The following POLR3B variants were observed in gnomAD, a reference collection of about 807,000 sequenced individuals.
The protein encoded by POLR3B is RNA polymerase III subunit B, also known as DNA-directed RNA polymerase III subunit RPC2.
POLR3B carries 96 observed loss-of-function variants against 147.4 expected under a neutral mutation model. That is an observed-to-expected ratio of 0.65 (90% CI 0.55 to 0.77). The LOEUF is 0.77. Ranked by LOEUF, POLR3B falls within the 30% of genes least tolerant of loss-of-function variation. POLR3B has a pLI of 0.00. For missense variants in POLR3B, 1,036 were observed against 1,413.5 expected, an observed-to-expected ratio of 0.73 and a Z score of 4.28; for synonymous variants, 461 against 485.9, an observed-to-expected ratio of 0.95 and a Z score of 0.67.
At chr12:106,393,710 A>C (rs116808938) in intron 10 of POLR3B, among the ~76,000 whole-genome samples, 2,995 of 149,128 alleles carry the variant, frequency 0.02, 50 homozygotes, top group African/African-American at 0.032. Flanking sequence ...CTGCTCAGGC[A>C]CTCCTGGTTG....
chr12:106,502,618 T>C (rs1025904889), intron 26 of POLR3B, among the ~76,000 whole-genome samples: 1 of 151,062 alleles, frequency 6.6e-6, no homozygotes, highest in Non-Finnish European at 1.5e-5. Flanking sequence ...GGGGTTTCAT[T>C]TTTTTTTTAA....
In POLR3B at chr12:106,393,098, C is replaced by T. The variant is rs772026926; in HGVS notation, c.791C>T (p.Ala264Val). 1 of 1,614,168 alleles carries T rather than the reference C, an allele frequency of 6.2e-7. No individual in the cohort carries two copies. The highest frequency in any genetic ancestry group is 8.5e-7 in the Non-Finnish European group (1 of 1,180,012). Residue 264 changes from alanine to valine, a missense_variant, in exon 10 of 28, where the codon GCA (alanine) becomes GTA (valine). Ala to Val is a moderately conservative substitution (Grantham distance 64). Coordinates refer to ENST00000228347, the MANE Select transcript of POLR3B (RefSeq NM_018082.6). ...GGAACAGAGGAGCACGTGATGGCTG[C>T]ATTTGGGCCCAGTCTGGAAGAGTGC... The part of the protein sequence containing the change: ...MIGTEEHVMA[A>V]FGPSLEECQK...
chr12:106,488,531 A>G (rs1372381297), intron 23 of POLR3B, among the ~76,000 whole-genome samples: 1 of 152,192 alleles, frequency 6.6e-6, no homozygotes, highest in Non-Finnish European at 1.5e-5. Flanking sequence ...GGTATTTTCG[A>G]GTGAAGCCAT....
At chr12:106,364,799 T>C (rs1413809763) in intron 2 of POLR3B, among the ~76,000 whole-genome samples, 1 of 152,200 alleles carries the variant, frequency 6.6e-6, no homozygotes, top group African/African-American at 2.4e-5. Context: ...CGCTGCAACA[T>C]GGACGAATCT....
chr12:106,365,402 A>G (rs1384371857), intron 2 of POLR3B, among the ~76,000 whole-genome samples: 1 of 152,142 alleles, frequency 6.6e-6, no homozygotes, highest in East Asian at 1.9e-4. Context: ...TTTTCCCCCT[A>G]AGAGACCAGG....
chr12:106,358,085 G>T (rs947262134), intron 1 of POLR3B, 134 bp downstream of exon 1: 2 of 1,528,740 alleles, frequency 1.3e-6, no homozygotes. Context: ...CATGCCCAGA[G>T]CGTCGCGCTT....
At chr12:106,412,097 C>A (rs533644979) in intron 12 of POLR3B, among the ~76,000 whole-genome samples, 1 of 152,268 alleles carries the variant, frequency 6.6e-6, no homozygotes, top group South Asian at 2.1e-4. Context: ...GAATGTGGCT[C>A]ATGTTTTTCT....
At chr12:106,487,536 A>G (rs1399098684) in intron 23 of POLR3B, among the ~76,000 whole-genome samples, 1 of 152,150 alleles carries the variant, frequency 6.6e-6, no homozygotes, top group African/African-American at 2.4e-5. Flanking sequence ...GGCCCTGCAG[A>G]TTGTCTGATT....
intron 12 of POLR3B, 97 bp downstream of exon 12, chr12:106,411,057 T>G (rs1214803643): frequency 5.7e-6 from 7 of 1,223,588 alleles, no homozygotes; most frequent in Non-Finnish European, 8.4e-6. Flanking sequence ...TGAAATATAG[T>G]TTGCAGGTTT....
At chr12:106,485,637 CAGG>C (rs1465467386) in intron 23 of POLR3B, among the ~76,000 whole-genome samples, 7 of 152,156 alleles carry the variant, frequency 4.6e-5, no homozygotes, top group Non-Finnish European at 7.4e-5. Context: ...GAGGAAAAGA[CAGG>C]AGTTGAGGAT....
In POLR3B at chr12:106,369,314, A is replaced by G. The variant is rs1037180204; in HGVS notation, c.267A>G (p.Glu89=). 4.4e-6 allele frequency: 7 copies of G among 1,602,184 alleles called. No homozygotes were observed. The highest frequency in any genetic ancestry group is 6.0e-6 in the Non-Finnish European group (7 of 1,169,128). ...NIYVGLPDVE[E]SFNVTRPVSP... is the part of the protein sequence containing the mutation. Reference sequence around the variant, plus strand: ...ATGTTGGGCTTCCTGATGTTGAAGAAAGCTTCAATGTAACTAGACCAGTGT... The same window carrying G: ...ATGTTGGGCTTCCTGATGTTGAAGAGAGCTTCAATGTAACTAGACCAGTGT... Residue 89 remains glutamate, a synonymous_variant, in exon 5 of 28, where the codon GAA becomes GAG. Coordinates refer to ENST00000228347, the MANE Select transcript of POLR3B (RefSeq NM_018082.6).
chr12:106,396,232 G>C (rs1012016882), intron 10 of POLR3B, among the ~76,000 whole-genome samples: 1 of 152,134 alleles, frequency 6.6e-6, no homozygotes, highest in Non-Finnish European at 1.5e-5. Flanking sequence ...AAACTAGAAG[G>C]CCAACATTTA....
At chr12:106,506,025 G>A (rs2038682160) in intron 27 of POLR3B, among the ~76,000 whole-genome samples, 2 of 152,134 alleles carry the variant, frequency 1.3e-5, no homozygotes, top group African/African-American at 2.4e-5. Context: ...CAGAAGAGGT[G>A]GCCATTTGCG....
chr12:106,414,393 G>A (rs2037273702), intron 12 of POLR3B, among the ~76,000 whole-genome samples: 1 of 151,958 alleles, frequency 6.6e-6, no homozygotes, highest in African/African-American at 2.4e-5. Context: ...CTCTGATCCT[G>A]GGTGTTATTC....
intron 23 of POLR3B, among the ~76,000 whole-genome samples, chr12:106,491,339 A>G (rs920657456): frequency 1.3e-5 from 2 of 152,164 alleles, no homozygotes; most frequent in African/African-American, 2.4e-5. Context: ...AAGTCACCCA[A>G]TTCCTCGATT....
rs756939086 is a variant in POLR3B at position 106,433,754 on chromosome 12, C to G, written c.1663C>G (p.Leu555Val). Residue 555 changes from leucine to valine, a missense_variant, in exon 16 of 28, where the codon CTA (leucine) becomes GTA (valine). By Grantham distance (32) the Leu-to-Val change is conservative. This residue lies in a region of POLR3B where 177 missense variants were observed against 232.7 expected (regional missense o/e 0.76). Coordinates refer to ENST00000228347, the MANE Select transcript of POLR3B (RefSeq NM_018082.6). Reference protein sequence around the residue: ...ILGVIRDHKKLVNTFRLMRRA... With the variant: ...ILGVIRDHKKVVNTFRLMRRA... ...AGGTGTCATTCGAGACCACAAAAAG[C>G]TAGTGAATACATTTCGACTCATGAG... The G allele has an allele frequency of 3.1e-6, 5 of 1,613,528 alleles. No individual in the cohort carries two copies. The highest frequency in any genetic ancestry group is 1.7e-5 in the Admixed American group (1 of 60,008).
intron 23 of POLR3B, among the ~76,000 whole-genome samples, chr12:106,480,483 G>C (rs11837827): frequency 6.6e-6 from 1 of 152,126 alleles, no homozygotes; most frequent in African/African-American, 2.4e-5. Flanking sequence ...CCAGGAGTCA[G>C]GCAGGGGCAG....
intron 23 of POLR3B, among the ~76,000 whole-genome samples, chr12:106,488,588 C>T (rs1050625786): frequency 6.6e-6 from 1 of 152,166 alleles, no homozygotes; most frequent in African/African-American, 2.4e-5. Flanking sequence ...GAAAACAGAG[C>T]TGAACATGGG....
At chr12:106,492,676 G>A (rs2038422221) in intron 23 of POLR3B, among the ~76,000 whole-genome samples, 1 of 152,176 alleles carries the variant, frequency 6.6e-6, no homozygotes, top group Admixed American at 6.5e-5. Flanking sequence ...ATTGGTGTAG[G>A]AGCCAGCAGT....
Sources: gnomAD v4.1 joint callset for allele counts (sites outside exome capture counted in the v4.1 genomes callset) on GRCh38, gnomAD v4.1.1 for gene constraint, gnomAD v4.1.1 regional missense constraint, MANE v1.5 for transcripts, NCBI Gene and HGNC (gene_info 2026-07-23, HGNC 2026-07-21) for gene names.